Variants in POLE2 observed in about 807,000 individuals in gnomAD.
The protein encoded by POLE2 is DNA polymerase epsilon subunit 2.
Under a neutral mutation model 79.4 loss-of-function variants are expected in POLE2, and 56 were observed. That is an observed-to-expected ratio of 0.71 (90% confidence interval 0.57 to 0.88). The LOEUF (loss-of-function observed/expected upper bound fraction) is 0.88. Ranked by LOEUF, POLE2 falls within the 40% of genes least tolerant of loss-of-function variation. POLE2 has a pLI of 0.00. For synonymous variants in POLE2, 212 were observed against 214.0 expected (o/e 0.99, Z 0.08); for missense variants, 598 against 638.9 (o/e 0.94, Z 0.69).
chr14:49,648,572 G>A (rs759772210), intron 17 of POLE2, among the ~76,000 whole-genome samples: 3 of 152,178 alleles, frequency 2.0e-5, no homozygotes, highest in Admixed American at 6.5e-5. Context: ...TCTTAAAGCA[G>A]AGGCTCTTAA....
At position 49,660,299 on chromosome 14, in the gene POLE2, C is replaced by T. The variant is rs114015636; in HGVS notation, c.755+3016G>A. Among the ~76,000 whole-genome samples, 1,366 of 152,228 alleles carry T rather than the reference C, an allele frequency of 9.0e-3. 14 individuals carry two copies. The highest frequency in any genetic ancestry group is 0.031 in the African/African-American group (1,301 of 41,520). ...GTATAAGTACACTGTGATGTTTGCACAGTGACATAATCACCTAACAACACA... is the reference window on the plus strand; with the variant it reads ...GTATAAGTACACTGTGATGTTTGCATAGTGACATAATCACCTAACAACACA... On this transcript the variant is annotated intron_variant, in intron 10 of 18. Coordinates refer to ENST00000216367, the MANE Select transcript of POLE2 (RefSeq NM_002692.4).
At chr14:49,654,517 C>T in intron 13 of POLE2, 1 of 452,628 alleles carries the variant, frequency 2.2e-6, no homozygotes, top group Non-Finnish European at 3.9e-6. Flanking sequence ...CAGTGACTAT[C>T]ATATCGGAGA....
chr14:49,669,686 C>T (rs1379811952), intron 5 of POLE2, 88 bp from the exon 6 acceptor site: 1 of 701,728 alleles, frequency 1.4e-6, no homozygotes, highest in Non-Finnish European at 2.5e-6. Context: ...AAACACTGTC[C>T]TTAAACTAAT....
chr14:49,662,935 A>G (rs929237870), intron 10 of POLE2, among the ~76,000 whole-genome samples: 3 of 152,220 alleles, frequency 2.0e-5, no homozygotes, highest in African/African-American at 4.8e-5. Context: ...AAGGAGCTAT[A>G]AGCTACCTCA....
intron 2 of POLE2, among the ~76,000 whole-genome samples, chr14:49,680,230 G>T (rs1886602402): frequency 6.6e-6 from 1 of 151,986 alleles, no homozygotes; most frequent in Non-Finnish European, 1.5e-5. Context: ...CATGCCTGTA[G>T]TCCCAGATAC....
intron 11 of POLE2, 123 bp downstream of exon 11, chr14:49,655,548 T>G: frequency 1.4e-6 from 1 of 704,376 alleles, no homozygotes; most frequent in South Asian, 1.8e-5. Flanking sequence ...ATTTAAATTA[T>G]CTCATTGCTA....
Position 49,654,808 on chromosome 14 carries a change from CATATT to C in POLE2, c.1044_1048del (p.Ile348MetfsTer2), listed in dbSNP as rs749499721. ...CCTTTGGTGAATATCTGGGTATTCA[CATATT>C]ATATCTGCCAAAGTTTTTAGGGAAT... On this transcript the variant is annotated frameshift_variant, in exon 13 of 19. Coordinates refer to ENST00000216367, the MANE Select transcript of POLE2 (RefSeq NM_002692.4). LOFTEE classifies it high-confidence loss of function. The C allele has an allele frequency of 2.0e-6, 3 of 1,482,698 alleles. No individual in the cohort carries two copies. Among genetic ancestry groups the C allele is most frequent in the South Asian group, 1.4e-5 (1 of 69,116 alleles). 91.8% of individuals were successfully genotyped at this position (1,482,698 alleles called of 1,614,324 possible). A position where few individuals can be genotyped will look rare whatever the true frequency, so the allele number is the denominator to read the frequency against.
intron 3 of POLE2, among the ~76,000 whole-genome samples, chr14:49,675,730 C>T (rs1464299669): frequency 6.9e-6 from 1 of 145,000 alleles, no homozygotes; most frequent in African/African-American, 2.5e-5. Flanking sequence ...CCAACCCCAA[C>T]AATTTTAAAA....
At chr14:49,662,130 G>A (rs993116149) in intron 10 of POLE2, among the ~76,000 whole-genome samples, 19 of 152,286 alleles carry the variant, frequency 1.2e-4, no homozygotes, top group Admixed American at 9.8e-4. Context: ...AAATAGAGGT[G>A]AGCTTGGCTT....
chr14:49,674,730 T>C lies in POLE2; in HGVS notation c.246-303A>G, dbSNP rs111492082. Among the ~76,000 whole-genome samples, 309 of 149,840 alleles carry C rather than the reference T, an allele frequency of 2.1e-3. 3 individuals are homozygous for C. The highest frequency in any genetic ancestry group is 7.1e-3 in the African/African-American group (288 of 40,798). ...CACAGGCATGCACCACCACGTCCAGTTAATTTTGTATTTTTAGTAGAGATG... is the reference window on the plus strand; with the variant it reads ...CACAGGCATGCACCACCACGTCCAGCTAATTTTGTATTTTTAGTAGAGATG... On this transcript the variant is annotated intron_variant, in intron 3 of 18. Coordinates refer to ENST00000216367, the MANE Select transcript of POLE2 (RefSeq NM_002692.4).
intron 15 of POLE2, among the ~76,000 whole-genome samples, chr14:49,653,044 A>C (rs376617228): frequency 2.0e-5 from 3 of 152,186 alleles, no homozygotes; most frequent in South Asian, 2.1e-4. Flanking sequence ...AACAACTGGA[A>C]TAATCATTGT....
chr14:49,664,945 G>T (rs1594586707), intron 8 of POLE2, 162 bp downstream of exon 8: 1 of 617,776 alleles, frequency 1.6e-6, no homozygotes, highest in South Asian at 2.0e-5. Context: ...GAAAATTAAA[G>T]TTGTTCTGTC....
intron 1 of POLE2, 30 bp from the exon 2 acceptor site, chr14:49,683,723 G>A (rs1886905492): frequency 1.8e-6 from 2 of 1,135,990 alleles, no homozygotes; most frequent in Middle Eastern, 2.0e-4. Flanking sequence ...AATGAGGCAG[G>A]TCATTAGTAA....
chr14:49,647,016 G>C, intron 18 of POLE2: 1 of 267,036 alleles, frequency 3.7e-6, no homozygotes, highest in Non-Finnish European at 7.0e-6. Context: ...TGAGACCATC[G>C]TCAGGAGTTG....
At chr14:49,677,927 T>C (rs189218656) in intron 3 of POLE2, 3,450 of 311,668 alleles carry the variant, frequency 0.011, 33 homozygotes, top group Middle Eastern at 0.017. Context: ...AGGTGGCGCC[T>C]TGTGCCTTGG....
intron 18 of POLE2, among the ~76,000 whole-genome samples, chr14:49,645,024 A>G (rs1384552821): frequency 7.0e-6 from 1 of 141,848 alleles, no homozygotes; most frequent in East Asian, 1.9e-4. Flanking sequence ...CCTGGGCAAC[A>G]GAGCAAAACT....
intron 10 of POLE2, among the ~76,000 whole-genome samples, chr14:49,657,911 G>A (rs1259360524): frequency 6.6e-6 from 1 of 152,072 alleles, no homozygotes; most frequent in Non-Finnish European, 1.5e-5. Context: ...TTTTACAAAT[G>A]AGAAAAGTTG....
chr14:49,677,109 C>A (rs1886334449), intron 3 of POLE2, among the ~76,000 whole-genome samples: 1 of 152,192 alleles, frequency 6.6e-6, no homozygotes, highest in Non-Finnish European at 1.5e-5. Flanking sequence ...ACAGGATGGA[C>A]ACTTCTACGC....
chr14:49,670,709 A>G (rs1885824848), intron 5 of POLE2, among the ~76,000 whole-genome samples: 1 of 152,198 alleles, frequency 6.6e-6, no homozygotes, highest in African/African-American at 2.4e-5. Context: ...TAAGGCTACT[A>G]GTGGAGATCT....
Sources: gnomAD v4.1 joint callset for allele counts (sites outside exome capture counted in the v4.1 genomes callset) on GRCh38, gnomAD v4.1.1 for gene constraint, MANE v1.5 for transcripts, NCBI Gene and HGNC (gene_info 2026-07-23, HGNC 2026-07-21) for gene names.